The following KIAA1217 variants were observed in gnomAD, a reference collection of about 807,000 sequenced individuals.
KIAA1217 encodes the protein KIAA1217.
In KIAA1217, 88 loss-of-function variants were observed where a neutral mutation model predicts 163.9. The ratio of observed to expected loss-of-function variants is 0.54; its 90% CI spans 0.45 to 0.64. The LOEUF (loss-of-function observed/expected upper bound fraction) is 0.64. KIAA1217 is among the 30% of genes least tolerant of loss of function. KIAA1217 has a pLI of 0.00. For missense variants in KIAA1217, 2,372 were observed against 2,475.0 expected (o/e 0.96, Z 0.88); for synonymous variants, 903 against 923.1 (o/e 0.98, Z 0.39).
At chr10:24,329,698 G>T (rs191401683) in intron 2 of KIAA1217, among the ~76,000 whole-genome samples, 6 of 152,154 alleles carry the variant, frequency 3.9e-5, no homozygotes, top group African/African-American at 1.4e-4. Flanking sequence ...ATATGATCGT[G>T]TAATGTACTT....
chr10:23,987,974 G>T (rs1386044924), intron 1 of KIAA1217, among the ~76,000 whole-genome samples: 2 of 152,132 alleles, frequency 1.3e-5, no homozygotes, highest in African/African-American at 2.4e-5. Flanking sequence ...GTTTATGTGG[G>T]TTCTCTCTAT....
At chr10:24,136,805 A>C (rs2063849748) in intron 2 of KIAA1217, among the ~76,000 whole-genome samples, 1 of 152,246 alleles carries the variant, frequency 6.6e-6, no homozygotes, top group Non-Finnish European at 1.5e-5. Context: ...TTGCAGTAAG[A>C]GGGAGGTTCT....
rs558057900 is a variant in KIAA1217, at chr10:24,065,783, C to G, written c.-171+58409C>G. ...TATTATTGTGTGGGAGTCTAAGTCT[C>G]TTTGTAGGTCACTAAGGACTTGCTT... On this transcript the variant is annotated intron_variant, in intron 2 of 18. Transcript: ENST00000376462. Among the ~76,000 whole-genome samples, 4 of 152,268 alleles carry G rather than the reference C, an allele frequency of 2.6e-5. No individual in the cohort carries two copies. In the East Asian group the frequency reaches 5.8e-4, roughly 22 times the overall value.
chr10:24,150,483 C>T (rs1292100653), intron 2 of KIAA1217, among the ~76,000 whole-genome samples: 1 of 152,188 alleles, frequency 6.6e-6, no homozygotes, highest in Non-Finnish European at 1.5e-5. Context: ...TCTGCAGGAG[C>T]AGAAGGGTTT....
chr10:23,760,611 A>G (rs1018019983), intron 1 of KIAA1217, among the ~76,000 whole-genome samples: 21 of 152,290 alleles, frequency 1.4e-4, no homozygotes, highest in Admixed American at 1.0e-3. Context: ...GGATAACAAT[A>G]TAGGGGAATG....
intron 1 of KIAA1217, among the ~76,000 whole-genome samples, chr10:23,831,327 A>G (rs1346076694): frequency 6.6e-6 from 1 of 152,130 alleles, no homozygotes; most frequent in Non-Finnish European, 1.5e-5. Context: ...AAACAAACAA[A>G]CAAAAAGAGT....
At chr10:24,262,662 G>T (rs1052228893) in intron 2 of KIAA1217, among the ~76,000 whole-genome samples, 2 of 151,728 alleles carry the variant, frequency 1.3e-5, no homozygotes, top group Non-Finnish European at 2.9e-5. Context: ...ATATTTGTGG[G>T]AGTCTCAATT....
chr10:24,082,415 G>C (rs1261058664), intron 2 of KIAA1217, among the ~76,000 whole-genome samples: 1 of 151,912 alleles, frequency 6.6e-6, no homozygotes, highest in Non-Finnish European at 1.5e-5. Flanking sequence ...ACCCCTAACA[G>C]GCCCCAGTGT....
intron 2 of KIAA1217, among the ~76,000 whole-genome samples, chr10:24,346,475 A>AAAT (rs199962983): frequency 6.6e-6 from 1 of 152,026 alleles, no homozygotes; most frequent in Non-Finnish European, 1.5e-5. Flanking sequence ...CCGTCTCAAA[A>AAAT]AATAATAATA....
intron 1 of KIAA1217, among the ~76,000 whole-genome samples, chr10:23,994,797 T>G (rs1441676527): frequency 6.6e-6 from 1 of 152,196 alleles, no homozygotes; most frequent in Non-Finnish European, 1.5e-5. Context: ...CTGTAGAAAC[T>G]TTTAGTGAAT....
intron 2 of KIAA1217, among the ~76,000 whole-genome samples, chr10:24,084,066 A>G (rs2061618283): frequency 6.6e-6 from 1 of 152,172 alleles, no homozygotes; most frequent in Non-Finnish European, 1.5e-5. Context: ...TTCTCCAGGT[A>G]TCTGCATATT....
At chr10:24,461,324 CT>C (rs1290711096) in intron 5 of KIAA1217, among the ~76,000 whole-genome samples, 1 of 151,926 alleles carries the variant, frequency 6.6e-6, no homozygotes, top group African/African-American at 2.4e-5. Flanking sequence ...GCATAACATT[CT>C]TTTTTTGTTT....
intron 2 of KIAA1217, among the ~76,000 whole-genome samples, chr10:24,357,550 A>T (rs1326404007): frequency 6.6e-6 from 1 of 152,218 alleles, no homozygotes; most frequent in East Asian, 1.9e-4. Context: ...GCAGGCAGCT[A>T]TTGAAGCAAG....
At chr10:23,698,970 C>T (rs1449027347) in intron 1 of KIAA1217, among the ~76,000 whole-genome samples, 1 of 152,172 alleles carries the variant, frequency 6.6e-6, no homozygotes, top group Non-Finnish European at 1.5e-5. Context: ...GGCACAGCCT[C>T]CTGCCTCAGA....
At chr10:24,476,015 G>C (rs964531260) in intron 6 of KIAA1217, among the ~76,000 whole-genome samples, 2 of 152,150 alleles carry the variant, frequency 1.3e-5, no homozygotes, top group African/African-American at 4.8e-5. Flanking sequence ...ACCTATCCTA[G>C]ATAAAAGAGC....
intron 1 of KIAA1217, among the ~76,000 whole-genome samples, chr10:23,810,832 T>C (rs1191092921): frequency 2.4e-5 from 3 of 124,380 alleles, no homozygotes; most frequent in Non-Finnish European, 4.7e-5. Flanking sequence ...ATATATACTA[T>C]ATATTATATG....
chr10:23,898,127 A>G (rs1589036824), intron 1 of KIAA1217, among the ~76,000 whole-genome samples: 1 of 152,102 alleles, frequency 6.6e-6, no homozygotes, highest in Non-Finnish European at 1.5e-5. Flanking sequence ...ATTTTACTGA[A>G]CAAGCTGCAC....
chr10:24,183,755 T>C, intron 2 of KIAA1217, among the ~76,000 whole-genome samples: 1 of 152,196 alleles, frequency 6.6e-6, no homozygotes, highest in East Asian at 1.9e-4. Context: ...ACTGAATAAC[T>C]TTCCTAAAAA....
At chr10:23,777,043 G>A (rs990547255) in intron 1 of KIAA1217, among the ~76,000 whole-genome samples, 1 of 152,058 alleles carries the variant, frequency 6.6e-6, no homozygotes, top group African/African-American at 2.4e-5. Flanking sequence ...TTTCTCTCAT[G>A]AGCATATCAT....
Sources: allele counts gnomAD v4.1 joint callset (sites outside exome capture counted in the v4.1 genomes callset), GRCh38; gene constraint gnomAD v4.1.1; transcripts MANE v1.5; gene names NCBI Gene and HGNC (gene_info 2026-07-23, HGNC 2026-07-21).